Variants in HSD17B12 observed in about 807,000 individuals in gnomAD.
HSD17B12 encodes hydroxysteroid 17-beta dehydrogenase 12.
In HSD17B12, 32 loss-of-function variants were observed where a neutral mutation model predicts 39.3. That is an observed-to-expected ratio of 0.81 (90% CI 0.61 to 1.09). The LOEUF (loss-of-function observed/expected upper bound fraction) is 1.09. Among genes scored for constraint, HSD17B12 ranks in the 50% least tolerant of loss-of-function variants. HSD17B12 has a pLI of 0.00. For synonymous variants in HSD17B12, 150 were observed against 146.7 expected, an observed-to-expected ratio of 1.02 and a Z score of -0.16; for missense variants, 342 against 382.9, an observed-to-expected ratio of 0.89 and a Z score of 0.89.
At chr11:43,730,862 A>G (rs1950260991) in intron 1 of HSD17B12, among the ~76,000 whole-genome samples, 2 of 152,194 alleles carry the variant, frequency 1.3e-5, no homozygotes, top group South Asian at 4.1e-4. Context: ...TGTTAGTGTG[A>G]TAAGCATGGT....
chr11:43,825,366 A>G (rs957340321), intron 6 of HSD17B12, among the ~76,000 whole-genome samples: 2 of 152,332 alleles, frequency 1.3e-5, no homozygotes, highest in South Asian at 4.1e-4. Context: ...ATGGGTGAAA[A>G]GCACGGAAAC....
intron 4 of HSD17B12, among the ~76,000 whole-genome samples, chr11:43,798,871 G>A (rs1215569548): frequency 6.6e-6 from 1 of 152,096 alleles, no homozygotes; most frequent in African/African-American, 2.4e-5. Context: ...TTAATGTGTA[G>A]ACACACTGGT....
chr11:43,687,012 A>G (rs1197152817), intron 1 of HSD17B12, among the ~76,000 whole-genome samples: 4 of 41,968 alleles, frequency 9.5e-5, no homozygotes, highest in Non-Finnish European at 2.6e-4. Context: ...TATTTCTTTC[A>G]GTTTCAGAAA....
At chr11:43,778,656 C>T (rs561711511) in intron 3 of HSD17B12, among the ~76,000 whole-genome samples, 1 of 151,336 alleles carries the variant, frequency 6.6e-6, no homozygotes, top group South Asian at 2.1e-4. Context: ...TGGGCTTCAT[C>T]CCTGGGATGC....
At chr11:43,725,467 G>A (rs1590696636) in intron 1 of HSD17B12, among the ~76,000 whole-genome samples, 1 of 152,276 alleles carries the variant, frequency 6.6e-6, no homozygotes, top group East Asian at 1.9e-4. Flanking sequence ...TTAACATCAG[G>A]AATGTCTTCA....
chr11:43,639,822 T>G, the HSD17B12 span, among the ~76,000 whole-genome samples: 2 of 152,208 alleles, frequency 1.3e-5, no homozygotes, highest in African/African-American at 2.4e-5. Flanking sequence ...CAAGATACTT[T>G]TCGTGAAATG....
At chr11:43,695,233 G>T (rs1242605026) in intron 1 of HSD17B12, among the ~76,000 whole-genome samples, 1 of 152,088 alleles carries the variant, frequency 6.6e-6, no homozygotes, top group African/African-American at 2.4e-5. Context: ...GAATACCAGG[G>T]CTTGGTTTAT....
At chr11:43,829,259 G>A (rs1275108077) in intron 6 of HSD17B12, among the ~76,000 whole-genome samples, 1 of 152,074 alleles carries the variant, frequency 6.6e-6, no homozygotes, top group Non-Finnish European at 1.5e-5. Context: ...TAATAGCCAG[G>A]CATTGAAATC....
chr11:43,753,967 C>G (rs1950487630), intron 2 of HSD17B12, 79 bp from the exon 3 acceptor site: 1 of 840,282 alleles, frequency 1.2e-6, no homozygotes. Context: ...GACAGGTTTT[C>G]TTAAAATGGG....
At chr11:43,557,890 G>A in the HSD17B12 span, among the ~76,000 whole-genome samples, 1 of 152,094 alleles carries the variant, frequency 6.6e-6, no homozygotes, top group Non-Finnish European at 1.5e-5. Flanking sequence ...AGGTGGAGAA[G>A]CTAAATGGGG....
the HSD17B12 span, among the ~76,000 whole-genome samples, chr11:43,618,424 T>A: frequency 8.0e-3 from 1,226 of 152,314 alleles, 4 homozygotes; most frequent in Non-Finnish European, 0.014. Context: ...ACTTACGCCT[T>A]CTATAAAAAC....
At chr11:43,839,523 C>A (rs922882720) in intron 8 of HSD17B12, among the ~76,000 whole-genome samples, 2 of 152,130 alleles carry the variant, frequency 1.3e-5, no homozygotes, top group African/African-American at 4.8e-5. Flanking sequence ...TGGGCTGTCA[C>A]ATTCACCTCT....
chr11:43,830,630 A>T (rs72894480), intron 6 of HSD17B12: 3 of 161,554 alleles, frequency 1.9e-5, no homozygotes, highest in African/African-American at 4.8e-5. Context: ...ATTTCTTCTG[A>T]TAACATATAT....
intron 7 of HSD17B12, among the ~76,000 whole-genome samples, chr11:43,835,398 C>G (rs999461071): frequency 1.3e-5 from 2 of 152,134 alleles, no homozygotes; most frequent in African/African-American, 4.8e-5. Context: ...AGAACAGATA[C>G]TGTATACAGT....
At chr11:43,734,546 G>T in intron 1 of HSD17B12, 1 of 561,104 alleles carries the variant, frequency 1.8e-6, no homozygotes. Context: ...GGCAGTCCGT[G>T]CCCCTCCAGC....
At chr11:43,793,287 T>G (rs1950885577) in intron 3 of HSD17B12, among the ~76,000 whole-genome samples, 1 of 152,156 alleles carries the variant, frequency 6.6e-6, no homozygotes, top group Admixed American at 6.5e-5. Flanking sequence ...AGAAATTTCA[T>G]AATGGATAGT....
At chr11:43,587,703 G>T in the HSD17B12 span, among the ~76,000 whole-genome samples, 67 of 152,346 alleles carry the variant, frequency 4.4e-4, no homozygotes, top group African/African-American at 1.6e-3. Flanking sequence ...GAATTTCAAA[G>T]AGTCAATCTA....
At chr11:43,631,928 C>T in the HSD17B12 span, among the ~76,000 whole-genome samples, 1 of 152,108 alleles carries the variant, frequency 6.6e-6, no homozygotes. Flanking sequence ...GCCTCTCATC[C>T]CTCTTCACAG....
the HSD17B12 span, among the ~76,000 whole-genome samples, chr11:43,577,387 C>T: frequency 6.6e-6 from 1 of 151,998 alleles, no homozygotes; most frequent in African/African-American, 2.4e-5. Context: ...GGAGGGGGAG[C>T]GAAGTGTTAG....
Sources: allele counts gnomAD v4.1 joint callset (sites outside exome capture counted in the v4.1 genomes callset), GRCh38; gene constraint gnomAD v4.1.1; transcripts MANE v1.5; gene names NCBI Gene and HGNC (gene_info 2026-07-23, HGNC 2026-07-21).